PDZRN3: variants seen among roughly 807,000 people sequenced by gnomAD.
PDZRN3 encodes PDZ domain containing ring finger 3.
In PDZRN3, 38 loss-of-function variants were observed where a neutral mutation model predicts 85.7. The ratio of observed to expected loss-of-function variants is 0.44; its 90% CI spans 0.34 to 0.58. The LOEUF (loss-of-function observed/expected upper bound fraction) is 0.58, where lower values mean the gene tolerates loss of function less well. PDZRN3 is among the 20% of genes least tolerant of loss of function. PDZRN3 has a pLI of 0.01. For missense variants in PDZRN3, 1,629 were observed against 1,506.4 expected (o/e 1.08, Z -1.35); for synonymous variants, 759 against 638.0 (o/e 1.19, Z -2.86).
intron 3 of PDZRN3, among the ~76,000 whole-genome samples, chr3:73,435,700 G>A (rs1159576625): frequency 6.6e-6 from 1 of 152,080 alleles, no homozygotes; most frequent in African/African-American, 2.4e-5. Flanking sequence ...CTCACTTGAT[G>A]ATGCCCAGAG....
At chr3:73,524,217 T>C (rs1304875206) in intron 3 of PDZRN3, among the ~76,000 whole-genome samples, 3 of 152,192 alleles carry the variant, frequency 2.0e-5, no homozygotes, top group Non-Finnish European at 2.9e-5. Context: ...TGTAAACATA[T>C]CAAAGAATTT....
intron 3 of PDZRN3, among the ~76,000 whole-genome samples, chr3:73,571,276 G>T (rs1482810857): frequency 6.6e-6 from 1 of 151,998 alleles, no homozygotes; most frequent in Non-Finnish European, 1.5e-5. Flanking sequence ...CATATCCAGT[G>T]GTGAGAACAG....
chr3:73,473,151 G>A (rs76658341), intron 3 of PDZRN3, among the ~76,000 whole-genome samples: 1,640 of 152,268 alleles, frequency 0.011, 36 homozygotes, highest in African/African-American at 0.037. Flanking sequence ...TGAACTCTGT[G>A]TATATATTCT....
intron 3 of PDZRN3, among the ~76,000 whole-genome samples, chr3:73,528,664 T>C (rs558601988): frequency 3.2e-4 from 49 of 152,270 alleles, no homozygotes; most frequent in Admixed American, 1.2e-3. Context: ...GTGAATATAA[T>C]AGAGCCATGT....
intron 3 of PDZRN3, chr3:73,474,451 T>C: frequency 7.8e-7 from 1 of 1,277,788 alleles, no homozygotes; most frequent in Non-Finnish European, 1.0e-6. Flanking sequence ...CAGATTAAAC[T>C]CACCAAATAC....
intron 3 of PDZRN3, among the ~76,000 whole-genome samples, chr3:73,579,676 T>C (rs1363143436): frequency 6.6e-6 from 1 of 152,176 alleles, no homozygotes; most frequent in Non-Finnish European, 1.5e-5. Flanking sequence ...GTTGCCCCTG[T>C]GTAAGAGTGA....
intron 3 of PDZRN3, among the ~76,000 whole-genome samples, chr3:73,440,923 T>C (rs1315714062): frequency 6.6e-6 from 1 of 152,132 alleles, no homozygotes; most frequent in African/African-American, 2.4e-5. Flanking sequence ...TTGAAAGGTA[T>C]TGAAGCACAG....
At chr3:73,400,003 C>G (rs1300219702) in intron 5 of PDZRN3, among the ~76,000 whole-genome samples, 1 of 152,210 alleles carries the variant, frequency 6.6e-6, no homozygotes, top group African/African-American at 2.4e-5. Flanking sequence ...ACAGAACCTA[C>G]TGCCACTGAA....
intron 3 of PDZRN3, chr3:73,569,647 T>C: frequency 1.1e-6 from 1 of 871,340 alleles, no homozygotes; most frequent in Non-Finnish European, 1.4e-6. Flanking sequence ...AGGCAGGACC[T>C]GAGGTTACCT....
chr3:73,603,638 CT>C (rs1702548868), intron 2 of PDZRN3, among the ~76,000 whole-genome samples: 2 of 152,122 alleles, frequency 1.3e-5, no homozygotes, highest in African/African-American at 4.8e-5. Context: ...AACAATTACT[CT>C]GAATACAAAT....
chr3:73,580,489 G>A (rs958389001), intron 3 of PDZRN3, among the ~76,000 whole-genome samples: 1 of 152,248 alleles, frequency 6.6e-6, no homozygotes, highest in Admixed American at 6.5e-5. Flanking sequence ...TCTCTCAAGT[G>A]TAGAGTGTTT....
rs1404757857 is a variant in PDZRN3 at position 73,382,500 on chromosome 3, T to C, written c.*865A>G. On this transcript the variant is annotated 3_prime_UTR_variant, in exon 10 of 10. Coordinates refer to ENST00000263666, the MANE Select transcript of PDZRN3 (RefSeq NM_015009.3). ...AGGAATCACATCAAAACATATCAAA[T>C]AGAAAATAATAATTTATTTTAACTT... 5 of 152,626 alleles carry C rather than the reference T, an allele frequency of 3.3e-5. No individual in the cohort carries two copies. Among genetic ancestry groups the C allele is most frequent in the Non-Finnish European group, 7.3e-5 (5 of 68,030 alleles). 9.5% of individuals were successfully genotyped at this position (152,626 alleles called of 1,614,324 possible).
In PDZRN3 at chr3:73,577,555, C is replaced by G. The variant is rs1170467599; in HGVS notation, c.918+24799G>C. Among the ~76,000 whole-genome samples, 5 of 152,278 alleles carry G rather than the reference C, an allele frequency of 3.3e-5. No homozygotes were observed. The East Asian group carries it at 9.7e-4, about 29-fold the overall frequency. ...GTCTCCCTCGCTCCCTGGCTTCTAGCTGGGACCAGTCAATGGGGCACAGCA... is the reference window on the plus strand; with the variant it reads ...GTCTCCCTCGCTCCCTGGCTTCTAGGTGGGACCAGTCAATGGGGCACAGCA... On this transcript the variant is annotated intron_variant, in intron 3 of 9. Coordinates refer to ENST00000263666, the MANE Select transcript of PDZRN3 (RefSeq NM_015009.3).
At chr3:73,594,759 A>T (rs867419552) in intron 3 of PDZRN3, among the ~76,000 whole-genome samples, 2 of 152,188 alleles carry the variant, frequency 1.3e-5, no homozygotes, top group Non-Finnish European at 2.9e-5. Context: ...GGTAAAGCAA[A>T]AGTGATAAAA....
At chr3:73,423,343 G>T (rs369822506) in intron 3 of PDZRN3, among the ~76,000 whole-genome samples, 5 of 152,314 alleles carry the variant, frequency 3.3e-5, no homozygotes, top group African/African-American at 1.2e-4. Flanking sequence ...GGGAATAATT[G>T]TCATGTGAGG....
chr3:73,609,061 C>T (rs1488306532), intron 1 of PDZRN3, among the ~76,000 whole-genome samples: 2 of 152,160 alleles, frequency 1.3e-5, no homozygotes, highest in Non-Finnish European at 2.9e-5. Flanking sequence ...CCATTCTCAA[C>T]AGCAGCATTC....
At chr3:73,493,656 C>T (rs1703817015) in intron 3 of PDZRN3, among the ~76,000 whole-genome samples, 1 of 152,194 alleles carries the variant, frequency 6.6e-6, no homozygotes, top group African/African-American at 2.4e-5. Flanking sequence ...TCCCTCCTCT[C>T]CTTCTCTCAA....
intron 3 of PDZRN3, among the ~76,000 whole-genome samples, chr3:73,522,977 T>G (rs1031603409): frequency 1.3e-5 from 2 of 152,220 alleles, no homozygotes; most frequent in Non-Finnish European, 2.9e-5. Flanking sequence ...CAATGAAATA[T>G]GACAAGAAAA....
At chr3:73,524,778 A>C (rs1174902992) in intron 3 of PDZRN3, among the ~76,000 whole-genome samples, 1 of 152,086 alleles carries the variant, frequency 6.6e-6, no homozygotes, top group Non-Finnish European at 1.5e-5. Flanking sequence ...CAGGCATGCA[A>C]ATTAAAAGTG....
Sources: allele counts gnomAD v4.1 joint callset (sites outside exome capture counted in the v4.1 genomes callset), GRCh38; gene constraint gnomAD v4.1.1; transcripts MANE v1.5; gene names NCBI Gene and HGNC (gene_info 2026-07-23, HGNC 2026-07-21).